Variants in CFAP100 observed in about 807,000 individuals in gnomAD.
The protein encoded by CFAP100 is cilia- and flagella-associated protein 100.
CFAP100 carries 70 observed loss-of-function variants against 81.5 expected under a neutral mutation model. That is an observed-to-expected ratio of 0.86 (90% CI 0.71 to 1.05). The LOEUF is 1.05. Among genes scored for constraint, CFAP100 ranks in the 50% least tolerant of loss-of-function variants. The pLI is 0.00. For synonymous variants in CFAP100, 341 were observed against 314.8 expected (o/e 1.08, Z -0.88); for missense variants, 811 against 776.5 (o/e 1.04, Z -0.53).
intron 14 of CFAP100, 196 bp downstream of exon 14, chr3:126,433,400 C>G (rs1002316454): frequency 1.7e-6 from 1 of 599,050 alleles, no homozygotes; most frequent in African/African-American, 1.9e-5. Flanking sequence ...GTTGCCCCCA[C>G]GCCTCATCCA....
chr3:126,434,200 T>C lies in CFAP100; in HGVS notation c.1447T>C (p.Cys483Arg). 1 of 1,612,860 alleles carries C rather than the reference T, an allele frequency of 6.2e-7. No homozygotes were observed. Among genetic ancestry groups the C allele is most frequent in the Non-Finnish European group, 8.5e-7 (1 of 1,179,294 alleles). Residue 483 changes from cysteine (C) to arginine (R), a missense_variant, in exon 15 of 17, where the codon TGC (cysteine) becomes CGC (arginine). Physicochemically the swap from Cys to Arg is radical, Grantham distance 180. Coordinates refer to ENST00000352312, the MANE Select transcript of CFAP100 (RefSeq NM_182628.3). ...QQDKLLESLNCKVLDVYRHCT... is the reference protein window; with the variant it reads ...QQDKLLESLNRKVLDVYRHCT... Reference sequence around the variant, plus strand: ...GGATAAGCTGCTAGAGAGCCTGAACTGCAAGGTGCTGGATGTGTACCGGCA... The same window carrying C: ...GGATAAGCTGCTAGAGAGCCTGAACCGCAAGGTGCTGGATGTGTACCGGCA...
chr3:126,411,439 T>C (rs1321005186), intron 3 of CFAP100, among the ~76,000 whole-genome samples: 2 of 146,708 alleles, frequency 1.4e-5, no homozygotes, highest in East Asian at 4.4e-4. Flanking sequence ...CTTCATTCTA[T>C]GAGGATCTCT....
At chr3:126,431,427 C>T (rs867750515) in intron 13 of CFAP100, among the ~76,000 whole-genome samples, 10 of 152,164 alleles carry the variant, frequency 6.6e-5, no homozygotes, top group South Asian at 4.1e-4. Flanking sequence ...AACTGCAGGC[C>T]AATGAGATCT....
In CFAP100 at chr3:126,394,943, C is replaced by T. The variant is rs1043629277; in HGVS notation, c.-95C>T. ...GCTCCTGGAGCTGAGAACTGCAGCG[C>T]GGAGGCTTCGGAGCGAGCCGGGGCA... On this transcript the variant is annotated 5_prime_UTR_variant, in exon 1 of 17. Transcript: ENST00000352312. The T allele has an allele frequency of 2.0e-5, 3 of 152,294 alleles. No individual in the cohort carries two copies. The highest frequency in any genetic ancestry group is 2.1e-4 in the South Asian group (1 of 4,866). The allele number at this position is 152,294 out of a possible 1,614,324, so 9.4% of individuals were successfully genotyped here.
chr3:126,411,114 C>T (rs932007630), intron 3 of CFAP100, among the ~76,000 whole-genome samples: 22 of 152,252 alleles, frequency 1.4e-4, no homozygotes, highest in African/African-American at 4.1e-4. Context: ...TGAATATTGT[C>T]GAATGCTTTT....
chr3:126,418,281 T>A, intron 5 of CFAP100, 177 bp from the exon 6 acceptor site: 2 of 610,194 alleles, frequency 3.3e-6, no homozygotes, highest in Non-Finnish European at 5.8e-6. Context: ...AGGCAGAGCC[T>A]TCTCTCTTTT....
At chr3:126,436,090 C>T (rs1295329295) in intron 16 of CFAP100, among the ~76,000 whole-genome samples, 7 of 152,204 alleles carry the variant, frequency 4.6e-5, no homozygotes, top group Non-Finnish European at 7.3e-5. Context: ...GGTGGTGCTC[C>T]AGAGACCAGG....
chr3:126,415,870 G>A (rs1267344890), intron 4 of CFAP100, among the ~76,000 whole-genome samples: 1 of 152,192 alleles, frequency 6.6e-6, no homozygotes, highest in Non-Finnish European at 1.5e-5. Context: ...GGAGTGGGGT[G>A]GAGAGCAGGT....
chr3:126,432,143 G>A (rs1320992287), intron 13 of CFAP100, among the ~76,000 whole-genome samples: 1 of 151,964 alleles, frequency 6.6e-6, no homozygotes, highest in Non-Finnish European at 1.5e-5. Context: ...GCCGGGCGTG[G>A]TGGCGGGTGC....
intron 11 of CFAP100, among the ~76,000 whole-genome samples, chr3:126,423,031 G>A (rs1419069426): frequency 6.6e-6 from 1 of 152,188 alleles, no homozygotes; most frequent in Non-Finnish European, 1.5e-5. Flanking sequence ...ATGGGTGAGG[G>A]CCATCTGGCC....
rs2083239666 is a variant in CFAP100, at chr3:126,416,338, T to C, written c.248T>C (p.Met83Thr). ...CAGGAACGGCAGCAGCAGAAGACGA[T>C]GCGGGTGCACCAGAAGATGACCTAC... Reference protein sequence around the residue: ...ALSERQQQKTMRVHQKMTYSS... With the variant: ...ALSERQQQKTTRVHQKMTYSS... Residue 83 changes from methionine (M) to threonine (T), a missense_variant, in exon 5 of 17, where the codon ATG becomes ACG. Coordinates refer to ENST00000352312, the MANE Select transcript of CFAP100 (RefSeq NM_182628.3). 1 of 1,598,350 alleles carries C rather than the reference T, an allele frequency of 6.3e-7. No homozygotes were observed. The highest frequency in any genetic ancestry group is 1.3e-5 in the African/African-American group (1 of 74,314).
Position 126,434,182 on chromosome 3 carries a change from C to T in CFAP100, c.1429C>T (p.Leu477=), listed in dbSNP as rs890048321. 1.2e-6 allele frequency: 2 copies of T among 1,610,714 alleles called. No homozygotes were observed. Among genetic ancestry groups the T allele is most frequent in the Admixed American group, 1.7e-5 (1 of 59,872 alleles). Residue 477 remains leucine (L), a synonymous_variant, in exon 15 of 17, where the codon CTG becomes TTG. Transcript: ENST00000352312. The part of the protein sequence containing the change: ...GEYKGDQQDK[L]LESLNCKVLD... The stretch of plus-strand genomic sequence containing the variant: ...GAAGCCACCTCCTCCACAGGATAAG[C>T]TGCTAGAGAGCCTGAACTGCAAGGT...
chr3:126,400,419 A>G (rs2082955182), intron 2 of CFAP100, among the ~76,000 whole-genome samples: 1 of 152,202 alleles, frequency 6.6e-6, no homozygotes, highest in Non-Finnish European at 1.5e-5. Flanking sequence ...ACCCTTTTAC[A>G]TTGTTGGTGA....
chr3:126,395,987 G>A lies in CFAP100; in HGVS notation c.-14G>A. On this transcript the variant is annotated 5_prime_UTR_variant, in exon 2 of 17. Transcript: ENST00000352312. ...AGGAGAAGCCTTGCATCAACCTCTTGGGCCTCAGCCAAGATGTCTGAGATA... is the reference window on the plus strand; with the variant it reads ...AGGAGAAGCCTTGCATCAACCTCTTAGGCCTCAGCCAAGATGTCTGAGATA... 1 of 1,611,918 alleles carries A rather than the reference G, an allele frequency of 6.2e-7. No individual in the cohort carries two copies. Among genetic ancestry groups the A allele is most frequent in the African/African-American group, 1.3e-5 (1 of 74,982 alleles).
At chr3:126,422,584 G>A (rs2083350229) in intron 11 of CFAP100, among the ~76,000 whole-genome samples, 1 of 152,104 alleles carries the variant, frequency 6.6e-6, no homozygotes, top group South Asian at 2.1e-4. Context: ...TGCAGGTGAG[G>A]TCCCCATCGA....
In CFAP100 at chr3:126,423,575, A is replaced by G. The variant is rs1325951001; in HGVS notation, c.1217A>G (p.Gln406Arg). The G allele has an allele frequency of 6.2e-7, 1 of 1,613,198 alleles. No individual in the cohort carries two copies. Among genetic ancestry groups the G allele is most frequent in the East Asian group, 2.2e-5 (1 of 44,876 alleles). Residue 406 changes from glutamine to arginine, a missense_variant, in exon 13 of 17, where the codon CAG (glutamine) becomes CGG (arginine). Gln to Arg is a conservative substitution (Grantham distance 43). Transcript: ENST00000352312. ...GAGGAGCAGAACCTGTCGCTGATCC[A>G]GAACAGCCAGGAGACGGAGAAGACC... ...ELEEQNLSLI[Q>R]NSQETEKTLE...
chr3:126,436,364 T>C lies in CFAP100; in HGVS notation c.1796T>C (p.Met599Thr), dbSNP rs1246523292. 6.2e-7 allele frequency: 1 copy of C among 1,614,156 alleles called. No homozygotes were observed. The highest frequency in any genetic ancestry group is 1.7e-5 in the Admixed American group (1 of 60,028). The change falls in exon 17 of 17, where the codon ATG (methionine) becomes ACG (threonine). Residue 599 changes from methionine to threonine, a missense_variant. Coordinates refer to ENST00000352312, the MANE Select transcript of CFAP100 (RefSeq NM_182628.3). ...AAACAACAGTCTGAGCACACACTGA[T>C]GGACAAGGAGGAGGAGGAGCTGCTA... ...RIKQQSEHTL[M>T]DKEEEELLFF...
intron 15 of CFAP100, among the ~76,000 whole-genome samples, 192 bp from the exon 16 acceptor site, chr3:126,435,367 T>G (rs1933404187): frequency 6.6e-6 from 1 of 152,152 alleles, no homozygotes; most frequent in Non-Finnish European, 1.5e-5. Flanking sequence ...CCTCTGGGCC[T>G]AGGCCACCTT....
At chr3:126,422,635 C>T (rs2083351153) in intron 11 of CFAP100, among the ~76,000 whole-genome samples, 1 of 152,200 alleles carries the variant, frequency 6.6e-6, no homozygotes. Flanking sequence ...TTAAAGCTCA[C>T]ACAGCTTGTT....
Sources: gnomAD v4.1 joint callset for allele counts (sites outside exome capture counted in the v4.1 genomes callset) on GRCh38, gnomAD v4.1.1 for gene constraint, MANE v1.5 for transcripts, NCBI Gene and HGNC (gene_info 2026-07-23, HGNC 2026-07-21) for gene names.